The following LIG4 variants were observed in gnomAD, a reference collection of about 807,000 sequenced individuals.
The protein encoded by LIG4 is DNA joinase.
In LIG4, 13 loss-of-function variants were observed where a neutral mutation model predicts 19.0. That is an observed-to-expected ratio of 0.68 (90% CI 0.44 to 1.09). LIG4 has a LOEUF of 1.09. Among genes scored for constraint, LIG4 ranks in the 50% least tolerant of loss-of-function variants. The pLI is 0.00. For missense variants in LIG4, 1,026 were observed against 1,089.7 expected (o/e 0.94, Z 0.82); for synonymous variants, 361 against 358.2 (o/e 1.01, Z -0.09).
In LIG4 at chr13:108,208,622, TAA is replaced by T; in HGVS notation, c.2645_2646del (p.Phe882Ter). The T allele has an allele frequency of 6.2e-7, 1 of 1,613,140 alleles. No homozygotes were observed. Among genetic ancestry groups the T allele is most frequent in the Middle Eastern group, 1.6e-4 (1 of 6,062 alleles). ...VADFKAFRRT[F>X]KRKFKILKES... Reference sequence around the variant, plus strand: ...TCTTTTAGGATTTTAAACTTTCTCTTAAAAGTTCTTCTAAAAGCTTTAAAATC... The same window carrying T: ...TCTTTTAGGATTTTAAACTTTCTCTTAAGTTCTTCTAAAAGCTTTAAAATC... On this transcript the variant is annotated frameshift_variant, in exon 3 of 3. Transcript: ENST00000442234. LOFTEE classifies it high-confidence loss of function.
At position 108,208,564 on chromosome 13, in the gene LIG4, TCA is replaced by T; in HGVS notation, c.2703_2704del (p.Cys901Ter). The stretch of plus-strand genomic sequence containing the variant: ...CAAATACTGGTTTTCTTCTTGTAAT[TCA>T]CACTTGTCTATTGAATCAGTTACCC... On this transcript the variant is annotated stop_gained and frameshift_variant, in exon 3 of 3. Coordinates refer to ENST00000442234, the MANE Select transcript of LIG4 (RefSeq NM_206937.2). LOFTEE classifies it high-confidence loss of function. 6.2e-7 allele frequency: 1 copy of T among 1,612,292 alleles called. No homozygotes were observed. Among genetic ancestry groups the T allele is most frequent in the Non-Finnish European group, 8.5e-7 (1 of 1,178,532 alleles).
chr13:108,210,049 T>C lies in LIG4; in HGVS notation c.1220A>G (p.Gln407Arg). 1 of 1,612,686 alleles carries C rather than the reference T, an allele frequency of 6.2e-7. No homozygotes were observed. The highest frequency in any genetic ancestry group is 8.5e-7 in the Non-Finnish European group (1 of 1,179,960). ...PGRIEIVQKT[Q>R]AHTKNEVIDA... The stretch of plus-strand genomic sequence containing the variant: ...AATTACTTCATTCTTAGTATGAGCT[T>C]GTGTTTTCTGCACTATTTCTATTCT... The change falls in exon 3 of 3, where the codon CAA becomes CGA. Residue 407 changes from glutamine to arginine, a missense_variant. Around this residue, in one of 3 missense-constraint regions of LIG4, gnomAD observed 493 missense variants for 544.5 expected, o/e 0.91. Coordinates refer to ENST00000442234, the MANE Select transcript of LIG4 (RefSeq NM_206937.2).
At chr13:108,211,477 C>G (rs1217296106) in intron 2 of LIG4, among the ~76,000 whole-genome samples, 181 bp from the exon 3 acceptor site, 2 of 152,154 alleles carry the variant, frequency 1.3e-5, no homozygotes, top group Non-Finnish European at 2.9e-5. Context: ...CTGTTTTGCT[C>G]CAACCCTAAT....
At position 108,208,429 on chromosome 13, in the gene LIG4, G is replaced by C. The variant is rs2232644; in HGVS notation, c.*104C>G. ...TATGTAATGATACTTTTTAGGCATA[G>C]ATTTTTAAGATACAAAAATAAAATG... On this transcript the variant is annotated 3_prime_UTR_variant, in exon 3 of 3. Transcript: ENST00000442234. The C allele has an allele frequency of 2.0e-3, 1,535 of 752,178 alleles. 18 individuals carry two copies. The African/African-American group carries it at 0.023, about 11-fold the overall frequency. The allele number at this position is 752,178 out of a possible 1,614,324, so 46.6% of individuals were successfully genotyped here.
Position 108,210,437 on chromosome 13 carries a change from G to A in LIG4, c.832C>T (p.Arg278Cys), listed in dbSNP as rs574912936. 8 of 1,613,296 alleles carry A rather than the reference G, an allele frequency of 5.0e-6. No individual in the cohort carries two copies. In the Admixed American group the frequency reaches 6.7e-5, roughly 13 times the overall value. ...FYIETKLDGE[R>C]MQMHKDGDVY... ...TCTCCATCTTTGTGCATTTGCATAC[G>A]TTCACCATCTAGCTTGGTTTCTATG... is the stretch of plus-strand genomic sequence containing the variant. Residue 278 changes from arginine (R) to cysteine (C), a missense_variant, in exon 3 of 3, where the codon CGT becomes TGT. Transcript: ENST00000442234.
rs886049945 is a variant in LIG4, at chr13:108,208,227, T to C, written c.*306A>G. The C allele has an allele frequency of 3.9e-5, 9 of 228,570 alleles. No homozygotes were observed. The East Asian group carries it at 7.2e-4, about 18-fold the overall frequency. 14.2% of individuals were successfully genotyped at this position (228,570 alleles called of 1,614,324 possible). A position where few individuals can be genotyped will look rare whatever the true frequency, so the allele number is the denominator to read the frequency against. ...AAAGTTTCTAAATGTATTTTATTAG[T>C]ATCTAAGTAAAAATTCTAGATTTCT... On this transcript the variant is annotated 3_prime_UTR_variant, in exon 3 of 3. Transcript: ENST00000442234.
intron 2 of LIG4, among the ~76,000 whole-genome samples, chr13:108,213,434 A>C (rs765280901): frequency 6.6e-6 from 1 of 152,248 alleles, no homozygotes; most frequent in Non-Finnish European, 1.5e-5. Flanking sequence ...CAAGGACTTA[A>C]ATTACTTTAT....
In LIG4 at chr13:108,211,293, TTAAC is replaced by T. The variant is rs1430835054; in HGVS notation, c.-28-1_-26del. ...TCAAAGCGGTGATGAATCTTCTCGT[TTAAC>T]TAGTAAAGCAAAAAGAGAATAACTT... On this transcript the variant is annotated splice_acceptor_variant and 5_prime_UTR_variant, in exon 3 of 3. Transcript: ENST00000442234. LOFTEE classifies it low-confidence loss of function (5UTR_SPLICE). 8 of 1,536,332 alleles carry T rather than the reference TTAAC, an allele frequency of 5.2e-6. No homozygotes were observed. Among genetic ancestry groups the T allele is most frequent in the African/African-American group, 4.1e-5 (3 of 73,628 alleles).
rs1566360837 is a variant in LIG4, at chr13:108,209,132, TTA to T, written c.2135_2136del (p.Ile712AsnfsTer5). On this transcript the variant is annotated frameshift_variant, in exon 3 of 3. Coordinates refer to ENST00000442234, the MANE Select transcript of LIG4 (RefSeq NM_206937.2). LOFTEE classifies it low-confidence loss of function (END_TRUNC). Reference sequence around the variant, plus strand: ...ACAACATCATGTTTATTTGACAAAATTATGTTTTTCACTCTGATGTTCTCAGA... The same window carrying T: ...ACAACATCATGTTTATTTGACAAAATTGTTTTTCACTCTGATGTTCTCAGA... ...AGSENIRVKN[I>X]ILSNKHDVVK... The T allele has an allele frequency of 5.0e-6, 8 of 1,614,126 alleles. No homozygotes were observed. Among genetic ancestry groups the T allele is most frequent in the African/African-American group, 1.3e-5 (1 of 75,022 alleles).
rs757157401 is a variant in LIG4, at chr13:108,210,509, C to T, written c.760G>A (p.Ala254Thr). ...SAFKPMLAAIADIEHIEKDMK... is the reference protein window; with the variant it reads ...SAFKPMLAAITDIEHIEKDMK... ...TCCTTCTCAATGTGCTCAATATCTG[C>T]AATAGCAGCTAGCATTGGTTTAAAT... The change falls in exon 3 of 3, where the codon GCA becomes ACA. Residue 254 changes from alanine to threonine, a missense_variant. Physicochemically the swap from Ala to Thr is moderately conservative, Grantham distance 58. This residue lies in a region of LIG4 where 493 missense variants were observed against 544.5 expected (regional missense o/e 0.91). Transcript: ENST00000442234. 1.1e-5 allele frequency: 17 copies of T among 1,612,744 alleles called. No homozygotes were observed. The South Asian group carries it at 1.5e-4, about 15-fold the overall frequency.
In LIG4 at chr13:108,208,315, C is replaced by T. The variant is rs983583039; in HGVS notation, c.*218G>A. On this transcript the variant is annotated 3_prime_UTR_variant, in exon 3 of 3. Coordinates refer to ENST00000442234, the MANE Select transcript of LIG4 (RefSeq NM_206937.2). ...TTATTTCACCTTGATCATAAAAAATCATTGAATACTACATTCAAGATAATT... is the reference window on the plus strand; with the variant it reads ...TTATTTCACCTTGATCATAAAAAATTATTGAATACTACATTCAAGATAATT... The T allele has an allele frequency of 4.3e-6, 2 of 460,774 alleles. No individual in the cohort carries two copies. The highest frequency in any genetic ancestry group is 7.7e-6 in the Non-Finnish European group (2 of 259,156). 28.5% of individuals were successfully genotyped at this position (460,774 alleles called of 1,614,324 possible). A position where few individuals can be genotyped will look rare whatever the true frequency, so the allele number is the denominator to read the frequency against.
At position 108,209,676 on chromosome 13, in the gene LIG4, T is replaced by C. The variant is rs150089358; in HGVS notation, c.1593A>G (p.Arg531=). The C allele has an allele frequency of 3.1e-6, 5 of 1,614,156 alleles. No individual in the cohort carries two copies. The South Asian group carries it at 4.4e-5, about 14-fold the overall frequency. ...KLAKYWKPFH[R]KAPPSSILCG... ...ATAAAATGCTGCTTGGTGGAGCTTT[T>C]CTATGAAAAGGCTTCCAATACTTGG... Residue 531 remains arginine, a synonymous_variant, in exon 3 of 3, where the codon AGA becomes AGG. Coordinates refer to ENST00000442234, the MANE Select transcript of LIG4 (RefSeq NM_206937.2).
chr13:108,210,502 A>T lies in LIG4; in HGVS notation c.767T>A (p.Ile256Asn). 1 of 1,612,962 alleles carries T rather than the reference A, an allele frequency of 6.2e-7. No homozygotes were observed. Among genetic ancestry groups the T allele is most frequent in the Non-Finnish European group, 8.5e-7 (1 of 1,179,938 alleles). The change falls in exon 3 of 3, where the codon ATT becomes AAT. Residue 256 changes from isoleucine to asparagine, a missense_variant. By Grantham distance (149) the Ile-to-Asn change is moderately radical (BLOSUM62 -3). This residue lies in a region of LIG4 where 493 missense variants were observed against 544.5 expected (regional missense o/e 0.91). Coordinates refer to ENST00000442234, the MANE Select transcript of LIG4 (RefSeq NM_206937.2). ...TTTCATATCCTTCTCAATGTGCTCA[A>T]TATCTGCAATAGCAGCTAGCATTGG... The part of the protein sequence containing the change: ...FKPMLAAIAD[I>N]EHIEKDMKHQ...
rs1418033761 is a variant in LIG4 at position 108,210,549 on chromosome 13, G to T, written c.720C>A (p.Ile240=). The T allele has an allele frequency of 3.1e-6, 5 of 1,612,452 alleles. No individual in the cohort carries two copies. The South Asian group carries it at 5.5e-5, about 18-fold the overall frequency. ...DPSVGLSDIS[I]TLFSAFKPML... ...TTGGTTTAAATGCAGAAAATAAAGTGATAGAAATATCACTGAGTCCTACAG... is the reference window on the plus strand; with the variant it reads ...TTGGTTTAAATGCAGAAAATAAAGTTATAGAAATATCACTGAGTCCTACAG... Residue 240 remains isoleucine (I), a synonymous_variant, in exon 3 of 3, where the codon ATC becomes ATA. Transcript: ENST00000442234.
chr13:108,209,563 A>C lies in LIG4; in HGVS notation c.1706T>G (p.Met569Arg). 1 of 1,614,150 alleles carries C rather than the reference A, an allele frequency of 6.2e-7. No homozygotes were observed. The highest frequency in any genetic ancestry group is 2.2e-5 in the East Asian group (1 of 44,872). ...IKAAEIVPSD[M>R]YKTGCTLRFP... ...ACGCAAGGTGCAGCCAGTTTTATACATATCACTGGGTACGATCTCTGCTGC... is the reference window on the plus strand; with the variant it reads ...ACGCAAGGTGCAGCCAGTTTTATACCTATCACTGGGTACGATCTCTGCTGC... The change falls in exon 3 of 3, where the codon ATG becomes AGG. Residue 569 changes from methionine to arginine, a missense_variant. By Grantham distance (91) the Met-to-Arg change is moderately conservative (BLOSUM62 -1). This residue lies in a region of LIG4 where 521 missense variants were observed against 515.5 expected (regional missense o/e 1.01). Transcript: ENST00000442234.
chr13:108,211,462 A>C (rs745469477), intron 2 of LIG4, among the ~76,000 whole-genome samples, 166 bp from the exon 3 acceptor site: 22 of 152,220 alleles, frequency 1.4e-4, no homozygotes, highest in Admixed American at 6.5e-5. Flanking sequence ...CTCTACATTT[A>C]ATAACTGTTT....
At chr13:108,213,485 C>T (rs1002246874) in intron 2 of LIG4, among the ~76,000 whole-genome samples, 1 of 152,158 alleles carries the variant, frequency 6.6e-6, no homozygotes, top group African/African-American at 2.4e-5. Context: ...CACATGTATC[C>T]TAAAATGGCT....
chr13:108,212,950 G>T (rs781100348), intron 2 of LIG4, among the ~76,000 whole-genome samples: 3 of 152,056 alleles, frequency 2.0e-5, no homozygotes, highest in Non-Finnish European at 4.4e-5. Flanking sequence ...CACACAGTGG[G>T]TGAGATTCAG....
At position 108,213,450 on chromosome 13, in the gene LIG4, C is replaced by G. The variant is rs1361961768; in HGVS notation, c.-29+1088G>C. Among the ~76,000 whole-genome samples the G allele has an allele frequency of 2.0e-5, 3 of 152,200 alleles. No homozygotes were observed. The East Asian group carries it at 5.8e-4, about 29-fold the overall frequency. ...AAGGACTTAAATTACTTTATAATGA[C>G]AAAATGTAGGTAATGGTGTGGATAC... is the stretch of plus-strand genomic sequence containing the variant. On this transcript the variant is annotated intron_variant, in intron 2 of 2. Transcript: ENST00000442234.
Sources: allele counts gnomAD v4.1 joint callset (sites outside exome capture counted in the v4.1 genomes callset), GRCh38; gene constraint gnomAD v4.1.1; regional missense constraint gnomAD v4.1.1; transcripts MANE v1.5; gene names NCBI Gene and HGNC (gene_info 2026-07-23, HGNC 2026-07-21).